The following CARF variants were observed in gnomAD, a reference collection of about 807,000 sequenced individuals.
CARF encodes calcium-responsive transcription factor.
CARF carries 57 observed loss-of-function variants against 82.0 expected under a neutral mutation model. The ratio of observed to expected loss-of-function variants is 0.70; its 90% CI spans 0.56 to 0.87. The LOEUF (loss-of-function observed/expected upper bound fraction) is 0.87. Among genes scored for constraint, CARF ranks in the 40% least tolerant of loss-of-function variants. The pLI is 0.00. For missense variants in CARF, 771 were observed against 855.8 expected (o/e 0.90, Z 1.24); for synonymous variants, 268 against 290.1 (o/e 0.92, Z 0.77).
At chr2:202,963,211 G>C (rs1446325023) in intron 9 of CARF, 1 of 152,168 alleles carries the variant, frequency 6.6e-6, no homozygotes, top group African/African-American at 2.4e-5. Context: ...CCAGCTACGC[G>C]GGAGGCTGAG....
At chr2:202,934,630 G>T (rs567854457) in intron 3 of CARF, 3 of 152,150 alleles carry the variant, frequency 2.0e-5, no homozygotes, top group East Asian at 1.9e-4. Flanking sequence ...CTAATTTTTT[G>T]TGTGTGTAGA....
At chr2:202,950,830 T>C (rs926546714) in intron 5 of CARF, among the ~76,000 whole-genome samples, 4 of 152,208 alleles carry the variant, frequency 2.6e-5, no homozygotes, top group Admixed American at 6.6e-5. Context: ...CAGTTTGCAG[T>C]TGCTGTTTCA....
At chr2:202,918,096 A>G in intron 2 of CARF, 53 bp downstream of exon 2, 1 of 439,084 alleles carries the variant, frequency 2.3e-6, no homozygotes, top group Non-Finnish European at 4.5e-6. Context: ...AAAGTTAACT[A>G]TTATCTATTA....
chr2:202,982,035 A>C (rs2060283170), intron 15 of CARF, 37 bp from the exon 16 acceptor site: 1 of 1,594,512 alleles, frequency 6.3e-7, no homozygotes, highest in East Asian at 2.2e-5. Context: ...TACATAGGAA[A>C]TTCAAACATT....
chr2:202,943,586 G>GCACACA (rs1365037631), intron 5 of CARF, among the ~76,000 whole-genome samples: 1 of 42,632 alleles, frequency 2.3e-5, no homozygotes, highest in Non-Finnish European at 4.7e-5. Flanking sequence ...TTAATGGAAT[G>GCACACA]TACACACACA....
chr2:202,981,423 TA>T, intron 14 of CARF, 131 bp from the exon 15 acceptor site: 1 of 655,748 alleles, frequency 1.5e-6, no homozygotes. Context: ...CTAGATGACT[TA>T]TTGAAGTCCT....
rs375198785 is a variant in CARF at position 202,961,256 on chromosome 2, G to A, written c.662G>A (p.Arg221His). 1.2e-5 allele frequency: 20 copies of A among 1,608,270 alleles called. No homozygotes were observed. Among genetic ancestry groups the A allele is most frequent in the African/African-American group, 4.0e-5 (3 of 74,774 alleles). ...ATGCAGAAAATTGGAGATTCATACC[G>A]TGGCTACTGTGTAAGTGAGACTGAA... ...RSCEKIGDSY[R>H]GYCVSETELE... The change falls in exon 9 of 17, where the codon CGT (arginine) becomes CAT (histidine). Residue 221 changes from arginine (R) to histidine (H), a missense_variant. Arg to His is a conservative substitution (Grantham distance 29). Transcript: ENST00000438828.
At chr2:202,983,076 C>G (rs905658288) in intron 16 of CARF, among the ~76,000 whole-genome samples, 1 of 151,730 alleles carries the variant, frequency 6.6e-6, no homozygotes, top group Admixed American at 6.6e-5. Flanking sequence ...TTTTTTTAAA[C>G]CAGCCTGTTG....
At chr2:202,935,613 T>C (rs998869363) in intron 3 of CARF, among the ~76,000 whole-genome samples, 1 of 151,690 alleles carries the variant, frequency 6.6e-6, no homozygotes. Flanking sequence ...TTAGTAGAAA[T>C]AGGGTCTTGT....
chr2:202,943,809 G>A (rs140244541), intron 5 of CARF, among the ~76,000 whole-genome samples: 16,694 of 151,708 alleles, frequency 0.11, 1,119 homozygotes, highest in Non-Finnish European at 0.15. Flanking sequence ...CACCACACCC[G>A]GCTAGTTTTT....
At chr2:202,932,860 A>C (rs567893935) in intron 3 of CARF, among the ~76,000 whole-genome samples, 1 of 152,024 alleles carries the variant, frequency 6.6e-6, no homozygotes, top group African/African-American at 2.4e-5. Flanking sequence ...TCTCAGCTCA[A>C]CCACTGCTGT....
chr2:202,950,191 CA>C (rs1316187333), intron 5 of CARF, among the ~76,000 whole-genome samples: 5 of 151,924 alleles, frequency 3.3e-5, no homozygotes, highest in Non-Finnish European at 5.9e-5. Context: ...TTTTAGGTAC[CA>C]GGGGGACTTA....
In CARF at chr2:202,942,945, T is replaced by C. The variant is rs1395962584; in HGVS notation, c.284T>C (p.Leu95Ser). 1 of 1,614,066 alleles carries C rather than the reference T, an allele frequency of 6.2e-7. No homozygotes were observed. Among genetic ancestry groups the C allele is most frequent in the South Asian group, 1.1e-5 (1 of 91,044 alleles). ...GQAIQYELQS[L>S]GESNAQMMIV... ...GCTATTCAATATGAACTTCAGTCATTGGGGGAATCCAATGCACAAATGGTG... is the reference window on the plus strand; with the variant it reads ...GCTATTCAATATGAACTTCAGTCATCGGGGGAATCCAATGCACAAATGGTG... The change falls in exon 5 of 17, where the codon TTG becomes TCG. Residue 95 changes from leucine (L) to serine (S), a missense_variant. By Grantham distance (145) the Leu-to-Ser change is moderately radical. Coordinates refer to ENST00000438828, the MANE Select transcript of CARF (RefSeq NM_024744.17).
intron 5 of CARF, among the ~76,000 whole-genome samples, chr2:202,949,276 G>A (rs929623646): frequency 6.6e-6 from 1 of 151,116 alleles, no homozygotes; most frequent in Admixed American, 6.6e-5. Flanking sequence ...AGAGGTTGTG[G>A]TGAGCCAAGG....
intron 2 of CARF, among the ~76,000 whole-genome samples, chr2:202,920,388 C>T (rs569290138): frequency 6.6e-6 from 1 of 152,120 alleles, no homozygotes; most frequent in African/African-American, 2.4e-5. Context: ...ATCTCCTGAC[C>T]TTGTGATCCG....
At chr2:202,974,955 A>G (rs1454633417) in intron 13 of CARF, among the ~76,000 whole-genome samples, 1 of 152,182 alleles carries the variant, frequency 6.6e-6, no homozygotes, top group Non-Finnish European at 1.5e-5. Context: ...AATGTTTAGA[A>G]AATGACTAAA....
intron 5 of CARF, among the ~76,000 whole-genome samples, chr2:202,948,117 C>G (rs2058583598): frequency 6.6e-6 from 1 of 152,110 alleles, no homozygotes; most frequent in Non-Finnish European, 1.5e-5. Context: ...GGAGTTGTCT[C>G]CCTAATGCTT....
intron 3 of CARF, chr2:202,938,462 G>A (rs1030893560): frequency 2.0e-5 from 3 of 151,724 alleles, no homozygotes; most frequent in African/African-American, 7.3e-5. Context: ...GCAGAGACAG[G>A]GTTTCGCCAT....
intron 8 of CARF, among the ~76,000 whole-genome samples, chr2:202,960,583 A>G (rs773443005): frequency 1.3e-5 from 2 of 152,226 alleles, no homozygotes; most frequent in African/African-American, 2.4e-5. Flanking sequence ...GAATGTTGAT[A>G]TAATGAGCAA....
Sources: gnomAD v4.1 joint callset for allele counts (sites outside exome capture counted in the v4.1 genomes callset) on GRCh38, gnomAD v4.1.1 for gene constraint, MANE v1.5 for transcripts, NCBI Gene and HGNC (gene_info 2026-07-23, HGNC 2026-07-21) for gene names.